Variants in ADAMTSL1 observed in about 807,000 individuals in gnomAD.
ADAMTSL1 encodes ADAMTS like 1, also known as ADAMTS-like protein 1.
Under a neutral mutation model 201.8 loss-of-function variants are expected in ADAMTSL1, and 126 were observed. The observed-to-expected ratio is 0.62, with a 90% CI of 0.54 to 0.72. The LOEUF (loss-of-function observed/expected upper bound fraction) is 0.72. ADAMTSL1 is among the 30% of genes least tolerant of loss of function. The probability of loss-of-function intolerance (pLI) is 0.00; values close to 1 mark genes in which losing one functional copy is unlikely to be tolerated. For missense variants in ADAMTSL1, 2,679 were observed against 2,277.8 expected (o/e 1.18, Z -3.59); for synonymous variants, 1,121 against 903.4 (o/e 1.24, Z -4.32).
intron 1 of ADAMTSL1, among the ~76,000 whole-genome samples, chr9:18,124,077 G>GTTTTTTTTTTTTTTTT (rs1157492042): frequency 1.4e-5 from 1 of 70,836 alleles, no homozygotes. Context: ...TTATTTGCCA[G>GTTTTTTTTTTTTTTTT]TTTTTTTTTT....
intron 23 of ADAMTSL1, among the ~76,000 whole-genome samples, chr9:18,831,742 G>T (rs141217023): frequency 6.6e-6 from 1 of 152,316 alleles, no homozygotes; most frequent in East Asian, 1.9e-4. Context: ...TATTCATAAA[G>T]TCCCTGAATG....
intron 1 of ADAMTSL1, among the ~76,000 whole-genome samples, chr9:18,499,381 C>T (rs1223106755): frequency 6.6e-6 from 1 of 152,212 alleles, no homozygotes; most frequent in African/African-American, 2.4e-5. Flanking sequence ...CTACCACATA[C>T]AGTTGGCGGC....
At chr9:18,490,864 A>G (rs1486753191) in intron 1 of ADAMTSL1, among the ~76,000 whole-genome samples, 2 of 152,152 alleles carry the variant, frequency 1.3e-5, no homozygotes, top group Non-Finnish European at 2.9e-5. Flanking sequence ...ACAAAGCACT[A>G]GAGAATTCGG....
chr9:18,167,733 C>A (rs1011077643), intron 2 of ADAMTSL1, among the ~76,000 whole-genome samples: 2 of 151,926 alleles, frequency 1.3e-5, no homozygotes, highest in African/African-American at 4.8e-5. Context: ...ACCTCCTCCC[C>A]ACTCCTGTCA....
At chr9:18,606,462 T>C (rs1825017590) in intron 4 of ADAMTSL1, among the ~76,000 whole-genome samples, 1 of 152,178 alleles carries the variant, frequency 6.6e-6, no homozygotes, top group Admixed American at 6.5e-5. Context: ...AAACCATTTC[T>C]CTAAACAGAG....
chr9:18,001,682 A>C (rs982967092), intron 1 of ADAMTSL1, among the ~76,000 whole-genome samples: 1 of 152,012 alleles, frequency 6.6e-6, no homozygotes, highest in African/African-American at 2.4e-5. Flanking sequence ...GGGAAGTGAG[A>C]AACAATGCAT....
rs1468023850 is a variant in ADAMTSL1 at position 18,681,705 on chromosome 9, G to GC, written c.1342-107_1342-106insC. 3 of 721,028 alleles carry GC rather than the reference G, an allele frequency of 4.2e-6. No homozygotes were observed. In the African/African-American group the frequency reaches 7.4e-5, roughly 18 times the overall value. 44.7% of individuals were successfully genotyped at this position (721,028 alleles called of 1,614,324 possible). A position where few individuals can be genotyped will look rare whatever the true frequency, so the allele number is the denominator to read the frequency against. ...TACCAGGAGTCCTCGTGTGGGGGGG[G>GC]GGGGCGGGGAAAAAGAAAACTTAGA... On this transcript the variant is annotated intron_variant, in intron 11 of 28. Transcript: ENST00000380548.
At chr9:18,369,053 A>T (rs1230250741) in intron 2 of ADAMTSL1, among the ~76,000 whole-genome samples, 5 of 152,188 alleles carry the variant, frequency 3.3e-5, no homozygotes, top group African/African-American at 1.2e-4. Flanking sequence ...AAGGAACTGG[A>T]ACTGTGTAAT....
intron 22 of ADAMTSL1, among the ~76,000 whole-genome samples, chr9:18,826,759 G>A (rs1824598186): frequency 6.6e-6 from 1 of 152,172 alleles, no homozygotes; most frequent in Non-Finnish European, 1.5e-5. Context: ...GATTGCAAGG[G>A]CAGAACAGGT....
At chr9:18,240,307 C>T (rs1831013590) in intron 2 of ADAMTSL1, among the ~76,000 whole-genome samples, 2 of 151,738 alleles carry the variant, frequency 1.3e-5, no homozygotes, top group Non-Finnish European at 2.9e-5. Context: ...TGACTAGGTG[C>T]ATTGTTAATG....
At chr9:17,937,215 G>A (rs1010035949) in intron 1 of ADAMTSL1, among the ~76,000 whole-genome samples, 2 of 152,162 alleles carry the variant, frequency 1.3e-5, no homozygotes, top group South Asian at 2.1e-4. Context: ...AAGGATAATC[G>A]GAACAGCACA....
intron 1 of ADAMTSL1, among the ~76,000 whole-genome samples, chr9:18,140,321 C>A (rs1826343721): frequency 6.6e-6 from 1 of 152,086 alleles, no homozygotes; most frequent in African/African-American, 2.4e-5. Flanking sequence ...AGACTCAGGA[C>A]TCAGCATGTA....
intron 3 of ADAMTSL1, among the ~76,000 whole-genome samples, chr9:18,538,507 G>A (rs892867044): frequency 6.6e-6 from 1 of 152,058 alleles, no homozygotes; most frequent in African/African-American, 2.4e-5. Flanking sequence ...GGCTATACTA[G>A]ATTTGGATCT....
intron 1 of ADAMTSL1, among the ~76,000 whole-genome samples, chr9:17,927,656 T>C (rs892979448): frequency 6.6e-6 from 1 of 152,156 alleles, no homozygotes; most frequent in African/African-American, 2.4e-5. Flanking sequence ...AACAATACTG[T>C]ATAACAACAT....
At chr9:17,968,213 A>T (rs1818054446) in intron 1 of ADAMTSL1, among the ~76,000 whole-genome samples, 1 of 152,080 alleles carries the variant, frequency 6.6e-6, no homozygotes, top group Non-Finnish European at 1.5e-5. Context: ...CCATCTCATG[A>T]TGCAATACGT....
At chr9:18,527,533 C>G (rs1819160852) in intron 2 of ADAMTSL1, among the ~76,000 whole-genome samples, 1 of 152,136 alleles carries the variant, frequency 6.6e-6, no homozygotes, top group African/African-American at 2.4e-5. Context: ...AAGAAGCTAA[C>G]AAGTTGTTTG....
intron 19 of ADAMTSL1, among the ~76,000 whole-genome samples, chr9:18,793,452 T>G (rs1822178758): frequency 6.6e-6 from 1 of 152,170 alleles, no homozygotes; most frequent in African/African-American, 2.4e-5. Context: ...GGGAGAGTGT[T>G]GCTGGGGCAG....
At chr9:18,877,582 T>A (rs1828245371) in intron 23 of ADAMTSL1, among the ~76,000 whole-genome samples, 1 of 152,200 alleles carries the variant, frequency 6.6e-6, no homozygotes, top group African/African-American at 2.4e-5. Context: ...TGATGTGATT[T>A]GTCTTCAGGT....
intron 2 of ADAMTSL1, among the ~76,000 whole-genome samples, chr9:18,307,259 C>A (rs764143708): frequency 1.3e-5 from 2 of 152,050 alleles, no homozygotes; most frequent in East Asian, 3.9e-4. Flanking sequence ...TTGTAAAGAC[C>A]GTTGATAGTA....
Sources: allele counts gnomAD v4.1 joint callset (sites outside exome capture counted in the v4.1 genomes callset), GRCh38; gene constraint gnomAD v4.1.1; transcripts MANE v1.5; gene names NCBI Gene and HGNC (gene_info 2026-07-23, HGNC 2026-07-21).